SPATA6: variants seen among roughly 807,000 people sequenced by gnomAD.
SPATA6 encodes the protein spermatogenesis-associated protein 6.
Under a neutral mutation model 65.3 loss-of-function variants are expected in SPATA6, and 56 were observed. The ratio of observed to expected loss-of-function variants is 0.86; its 90% CI spans 0.69 to 1.07. SPATA6 has a LOEUF of 1.07. Among genes scored for constraint, SPATA6 ranks in the 50% least tolerant of loss-of-function variants. The probability of loss-of-function intolerance (pLI) is 0.00; values close to 1 mark genes in which losing one functional copy is unlikely to be tolerated. For missense variants in SPATA6, 590 were observed against 594.8 expected, an observed-to-expected ratio of 0.99 and a Z score of 0.08; for synonymous variants, 199 against 213.2, an observed-to-expected ratio of 0.93 and a Z score of 0.58.
intron 9 of SPATA6, among the ~76,000 whole-genome samples, chr1:48,380,086 AAGTG>A (rs1209125402): frequency 6.6e-6 from 1 of 152,230 alleles, no homozygotes; most frequent in African/African-American, 2.4e-5. Flanking sequence ...AAAAAAGAAA[AAGTG>A]AGAATCTCGG....
intron 3 of SPATA6, among the ~76,000 whole-genome samples, chr1:48,438,017 T>A (rs989781179): frequency 1.3e-5 from 2 of 151,820 alleles, no homozygotes; most frequent in Non-Finnish European, 2.9e-5. Flanking sequence ...ATCAGAAGGA[T>A]GTGGGCGGGG....
At chr1:48,319,537 C>A (rs371377714) in intron 11 of SPATA6, among the ~76,000 whole-genome samples, 1 of 152,060 alleles carries the variant, frequency 6.6e-6, no homozygotes, top group African/African-American at 2.4e-5. Context: ...ACCAGAGAAG[C>A]CATGAAAATC....
Position 48,302,769 on chromosome 1 carries a change from G to A in SPATA6, c.1286+3018C>T, listed in dbSNP as rs999399514. On this transcript the variant is annotated intron_variant, in intron 12 of 12. Coordinates refer to ENST00000371847, the MANE Select transcript of SPATA6 (RefSeq NM_019073.4). The stretch of plus-strand genomic sequence containing the variant: ...ATAAACATAATCTTCTACCCAACCA[G>A]GAATAAGTAGAACTTTATCAAGGCC... Among the ~76,000 whole-genome samples the A allele has an allele frequency of 5.3e-5, 8 of 152,158 alleles. No homozygotes were observed. In the East Asian group the frequency reaches 1.4e-3, roughly 26 times the overall value.
intron 1 of SPATA6, among the ~76,000 whole-genome samples, chr1:48,470,189 C>T (rs1658129801): frequency 6.6e-6 from 1 of 152,112 alleles, no homozygotes; most frequent in African/African-American, 2.4e-5. Context: ...GCTATTCCTC[C>T]GACTCCTTCA....
rs185591941 is a variant in SPATA6, at chr1:48,358,381, A to C, written c.1094+1205T>G. ...ACAAATTTATTTATAAAAGTAAATA[A>C]TATTTATTTATAAAAGTATTTATAA... On this transcript the variant is annotated intron_variant, in intron 10 of 12. Coordinates refer to ENST00000371847, the MANE Select transcript of SPATA6 (RefSeq NM_019073.4). 2.0e-5 allele frequency among the ~76,000 whole-genome samples: 3 copies of C among 151,554 alleles called. No homozygotes were observed. In the East Asian group the frequency reaches 5.8e-4, roughly 29 times the overall value.
intron 5 of SPATA6, among the ~76,000 whole-genome samples, chr1:48,404,300 C>T (rs1032573426): frequency 3.3e-5 from 5 of 152,056 alleles, no homozygotes; most frequent in Admixed American, 2.0e-4. Flanking sequence ...CATTCCACAA[C>T]GTATACATAT....
chr1:48,340,241 TAAAAAAAAAAAA>T (rs58721253), intron 11 of SPATA6, among the ~76,000 whole-genome samples: 36 of 53,060 alleles, frequency 6.8e-4, no homozygotes, highest in East Asian at 5.2e-3. Context: ...AGGCCTGCAC[TAAAAAAAAAAAA>T]AAAAAAAAAA....
intron 11 of SPATA6, among the ~76,000 whole-genome samples, chr1:48,321,576 G>A (rs531747318): frequency 1.3e-5 from 2 of 152,186 alleles, no homozygotes; most frequent in African/African-American, 2.4e-5. Context: ...AATAGATGGG[G>A]ACTTCAACAC....
At chr1:48,438,728 T>C (rs996580104) in intron 3 of SPATA6, among the ~76,000 whole-genome samples, 1 of 152,204 alleles carries the variant, frequency 6.6e-6, no homozygotes, top group African/African-American at 2.4e-5. Flanking sequence ...TCTCCGAGAC[T>C]AGTCCCGCTT....
At chr1:48,441,763 G>A (rs1167699799) in intron 3 of SPATA6, among the ~76,000 whole-genome samples, 2 of 152,192 alleles carry the variant, frequency 1.3e-5, no homozygotes, top group African/African-American at 2.4e-5. Flanking sequence ...TGGCCTCACT[G>A]TTTATGGGTA....
At chr1:48,305,762 G>A (rs773315964) in intron 12 of SPATA6, 25 bp downstream of exon 12, 2 of 1,519,486 alleles carry the variant, frequency 1.3e-6, no homozygotes, top group Non-Finnish European at 1.8e-6. Flanking sequence ...ACTATGAGAA[G>A]GATATACATA....
chr1:48,464,743 T>C (rs942757130), intron 1 of SPATA6, among the ~76,000 whole-genome samples: 1 of 152,180 alleles, frequency 6.6e-6, no homozygotes, highest in Non-Finnish European at 1.5e-5. Context: ...CAAGATGTGG[T>C]TACCTTTGGG....
intron 11 of SPATA6, among the ~76,000 whole-genome samples, chr1:48,341,014 C>T (rs186958818): frequency 1.9e-4 from 29 of 152,250 alleles, no homozygotes; most frequent in Middle Eastern, 3.4e-3. Flanking sequence ...CAAAGCATAA[C>T]CACGACACAT....
the SPATA6 span, among the ~76,000 whole-genome samples, chr1:48,264,642 G>T: frequency 1.3e-5 from 2 of 152,120 alleles, no homozygotes; most frequent in Admixed American, 6.5e-5. Context: ...TCCTGTGTTA[G>T]TTTGCTGAGG....
At chr1:48,415,305 G>C (rs1652655177) in intron 3 of SPATA6, among the ~76,000 whole-genome samples, 1 of 152,206 alleles carries the variant, frequency 6.6e-6, no homozygotes, top group Non-Finnish European at 1.5e-5. Context: ...GATGGCCTTT[G>C]TGCAAGGCTT....
Position 48,310,429 on chromosome 1 carries a change from G to A in SPATA6, c.1195-4551C>T, listed in dbSNP as rs568980442. On this transcript the variant is annotated intron_variant, in intron 11 of 12. Coordinates refer to ENST00000371847, the MANE Select transcript of SPATA6 (RefSeq NM_019073.4). Reference sequence around the variant, plus strand: ...AGCTAGAGAGCAGGAGATGGGACTCGGTCAAGTTAAAATGCCATAAAACTT... The same window carrying A: ...AGCTAGAGAGCAGGAGATGGGACTCAGTCAAGTTAAAATGCCATAAAACTT... 7.2e-5 allele frequency among the ~76,000 whole-genome samples: 11 copies of A among 152,250 alleles called. No individual in the cohort carries two copies. In the South Asian group the frequency reaches 1.0e-3, roughly 14 times the overall value.
intron 3 of SPATA6, among the ~76,000 whole-genome samples, chr1:48,428,632 C>T (rs1654066719): frequency 1.3e-5 from 2 of 151,902 alleles, no homozygotes; most frequent in Non-Finnish European, 2.9e-5. Context: ...GTTCTTCATC[C>T]TTGTCTTCAC....
intron 8 of SPATA6, among the ~76,000 whole-genome samples, chr1:48,390,050 C>T (rs1264772954): frequency 6.6e-6 from 1 of 152,132 alleles, no homozygotes; most frequent in Non-Finnish European, 1.5e-5. Flanking sequence ...AAAAATACAA[C>T]TACCACACAA....
At chr1:48,411,661 T>C (rs1652247482) in intron 4 of SPATA6, 73 bp from the exon 5 acceptor site, 3 of 1,306,210 alleles carry the variant, frequency 2.3e-6, no homozygotes, top group Middle Eastern at 2.1e-4. Flanking sequence ...TCAAGTATGA[T>C]ATATCTACTG....
Sources: gnomAD v4.1 joint callset for allele counts (sites outside exome capture counted in the v4.1 genomes callset) on GRCh38, gnomAD v4.1.1 for gene constraint, MANE v1.5 for transcripts, NCBI Gene and HGNC (gene_info 2026-07-23, HGNC 2026-07-21) for gene names.